TRPS1: variants seen among roughly 807,000 people sequenced by gnomAD.
The protein encoded by TRPS1 is transcriptional repressor GATA binding 1, also known as zinc finger transcription factor Trps1.
A neutral mutation model predicts 101.2 loss-of-function variants in TRPS1; 6 were observed. The observed-to-expected ratio is 0.06, with a 90% confidence interval of 0.03 to 0.12. The LOEUF is 0.12. Among genes scored for constraint, TRPS1 ranks in the 10% least tolerant of loss-of-function variants. The pLI, the probability that TRPS1 is intolerant of heterozygous loss-of-function variation, is 1.00. For missense variants in TRPS1, 1,363 were observed against 1,567.0 expected, an observed-to-expected ratio of 0.87 and a Z score of 2.20; for synonymous variants, 578 against 589.8, an observed-to-expected ratio of 0.98 and a Z score of 0.29.
chr8:115,651,995 G>A (rs1811570672), intron 1 of TRPS1, among the ~76,000 whole-genome samples: 1 of 152,184 alleles, frequency 6.6e-6, no homozygotes, highest in Non-Finnish European at 1.5e-5. Flanking sequence ...TGGGAACTCA[G>A]AACCAAGTTA....
chr8:115,485,440 C>CA (rs111696010), intron 5 of TRPS1, among the ~76,000 whole-genome samples: 1 of 152,178 alleles, frequency 6.6e-6, no homozygotes, highest in African/African-American at 2.4e-5. Flanking sequence ...TCCTGCCCTA[C>CA]AAAAAACTGT....
chr8:115,488,770 T>A (rs908765308), intron 5 of TRPS1, among the ~76,000 whole-genome samples: 2 of 152,158 alleles, frequency 1.3e-5, no homozygotes, highest in Admixed American at 6.6e-5. Flanking sequence ...TCACTCAAGA[T>A]AATATTGGAG....
intron 1 of TRPS1, among the ~76,000 whole-genome samples, chr8:115,660,563 T>C (rs1273634943): frequency 6.6e-6 from 1 of 151,730 alleles, no homozygotes; most frequent in South Asian, 2.1e-4. Flanking sequence ...TACAAAGTAA[T>C]TAACAGATAA....
intron 5 of TRPS1, among the ~76,000 whole-genome samples, chr8:115,502,600 G>C (rs1815345920): frequency 6.6e-6 from 1 of 152,130 alleles, no homozygotes; most frequent in Admixed American, 6.6e-5. Context: ...ATGATACACG[G>C]TATTTGGCCC....
intron 5 of TRPS1, among the ~76,000 whole-genome samples, chr8:115,535,478 C>CATATATAGCAT (rs201742043): frequency 6.8e-6 from 1 of 147,864 alleles, no homozygotes; most frequent in East Asian, 2.0e-4. Flanking sequence ...ACATATCACA[C>CATATATAGCAT]ATATATAGCA....
At chr8:115,525,080 G>A (rs567178008) in intron 5 of TRPS1, among the ~76,000 whole-genome samples, 13 of 152,128 alleles carry the variant, frequency 8.5e-5, no homozygotes, top group Non-Finnish European at 1.5e-4. Context: ...CAAGTCTTCC[G>A]AAAGCACCTG....
intron 5 of TRPS1, among the ~76,000 whole-genome samples, chr8:115,442,517 C>T (rs1422854204): frequency 6.6e-6 from 1 of 150,930 alleles, no homozygotes; most frequent in African/African-American, 2.4e-5. Flanking sequence ...GAACAGAGGT[C>T]CATATCTGGG....
intron 5 of TRPS1, among the ~76,000 whole-genome samples, chr8:115,560,050 T>C (rs1243767431): frequency 6.6e-6 from 1 of 152,156 alleles, no homozygotes; most frequent in Non-Finnish European, 1.5e-5. Context: ...ATGACTCTCT[T>C]CTCAGCTCCA....
At chr8:115,616,523 T>C (rs1017293823) in intron 3 of TRPS1, among the ~76,000 whole-genome samples, 5 of 149,870 alleles carry the variant, frequency 3.3e-5, no homozygotes, top group African/African-American at 1.3e-4. Context: ...TGGCTTCTGT[T>C]ACTTTTTTTT....
intron 3 of TRPS1, among the ~76,000 whole-genome samples, chr8:115,618,659 C>G (rs1023098408): frequency 6.6e-6 from 1 of 152,170 alleles, no homozygotes; most frequent in African/African-American, 2.4e-5. Context: ...ATCTCTGCAA[C>G]CATCAATATG....
At chr8:115,568,661 A>T (rs1476326160) in intron 5 of TRPS1, among the ~76,000 whole-genome samples, 2 of 152,154 alleles carry the variant, frequency 1.3e-5, no homozygotes, top group Non-Finnish European at 2.9e-5. Flanking sequence ...TTAGGAAAAA[A>T]AATTATAATT....
chr8:115,459,324 AAATAAT>A (rs61516910), intron 5 of TRPS1, among the ~76,000 whole-genome samples: 4 of 149,850 alleles, frequency 2.7e-5, no homozygotes, highest in African/African-American at 9.8e-5. Flanking sequence ...ACTCTGTCTC[AAATAAT>A]AATAATAATA....
chr8:115,500,726 T>C (rs974865983), intron 5 of TRPS1, among the ~76,000 whole-genome samples: 17 of 152,070 alleles, frequency 1.1e-4, no homozygotes, highest in African/African-American at 3.9e-4. Context: ...CCTGCCACCA[T>C]GCCTGGCTAA....
chr8:115,431,311 T>C (rs1378997976), intron 5 of TRPS1, among the ~76,000 whole-genome samples: 4 of 152,102 alleles, frequency 2.6e-5, no homozygotes, highest in Non-Finnish European at 5.9e-5. Context: ...AATATCTATG[T>C]TAATGTGCAT....
In TRPS1 at chr8:115,414,461, A is replaced by T; in HGVS notation, c.3447T>A (p.Asn1149Lys). Residue 1149 changes from asparagine to lysine, a missense_variant, in exon 7 of 7, where the codon AAT becomes AAA. Around this residue, in one of 5 missense-constraint regions of TRPS1, gnomAD observed 307 missense variants for 392.4 expected, o/e 0.78. Transcript: ENST00000395715. The surrounding 1 kb of genome is among the most constrained non-coding windows in gnomAD (Gnocchi z 4.8). The stretch of plus-strand genomic sequence containing the variant: ...GATAAGGCACATAGTTTTGGCAAGG[A>T]TTTGGTAGGCCAGGCACGTGACTCA... ...HYLSHVPGLPNPCQNYVPYPT... is the reference protein window; with the variant it reads ...HYLSHVPGLPKPCQNYVPYPT... 3 of 1,613,920 alleles carry T rather than the reference A, an allele frequency of 1.9e-6. No homozygotes were observed. The highest frequency in any genetic ancestry group is 2.2e-5 in the East Asian group (1 of 44,856).
intron 5 of TRPS1, among the ~76,000 whole-genome samples, chr8:115,550,306 G>T (rs991107920): frequency 6.6e-6 from 1 of 152,164 alleles, no homozygotes; most frequent in Admixed American, 6.5e-5. Context: ...CAAAAGAGGG[G>T]CAGCTGTGGG....
intron 5 of TRPS1, among the ~76,000 whole-genome samples, chr8:115,550,119 C>A (rs755422447): frequency 6.6e-6 from 1 of 151,964 alleles, no homozygotes; most frequent in African/African-American, 2.4e-5. Context: ...TGGGAGGCTG[C>A]GACAGTAGAA....
intron 5 of TRPS1, among the ~76,000 whole-genome samples, chr8:115,531,629 T>A (rs535848406): frequency 4.6e-5 from 7 of 151,924 alleles, no homozygotes; most frequent in Non-Finnish European, 1.0e-4. Context: ...GAAGGTGGAG[T>A]ACCCTTTCCC....
At chr8:115,514,760 T>G (rs904319332) in intron 5 of TRPS1, among the ~76,000 whole-genome samples, 2 of 151,482 alleles carry the variant, frequency 1.3e-5, no homozygotes, top group African/African-American at 4.8e-5. Context: ...TCAAATAAAC[T>G]CAAGACATAC....
Sources: gnomAD v4.1 joint callset for allele counts (sites outside exome capture counted in the v4.1 genomes callset) on GRCh38, gnomAD v4.1.1 for gene constraint, gnomAD v4.1.1 regional missense constraint, Gnocchi (gnomAD v3.1) non-coding constraint, MANE v1.5 for transcripts, NCBI Gene and HGNC (gene_info 2026-07-23, HGNC 2026-07-21) for gene names.